Variants in CNTN6 observed in about 807,000 individuals in gnomAD.
CNTN6 encodes contactin 6.
A neutral mutation model predicts 122.8 loss-of-function variants in CNTN6; 137 were observed. The observed-to-expected ratio is 1.12, with a 90% CI of 0.97 to 1.29. The LOEUF (loss-of-function observed/expected upper bound fraction) is 1.29. Ranked by LOEUF, CNTN6 falls within the 50% of genes most tolerant of loss-of-function variation. CNTN6 has a pLI of 0.00. For missense variants in CNTN6, 1,634 were observed against 1,223.4 expected (o/e 1.34, Z -5.01); for synonymous variants, 570 against 426.0 (o/e 1.34, Z -4.16).
At chr3:1,187,873 G>C (rs995174447) in intron 2 of CNTN6, among the ~76,000 whole-genome samples, 1 of 152,072 alleles carries the variant, frequency 6.6e-6, no homozygotes, top group Non-Finnish European at 1.5e-5. Context: ...CTGTATGGTT[G>C]GTTGGGCACC....
intron 4 of CNTN6, among the ~76,000 whole-genome samples, chr3:1,233,910 A>G (rs543820155): frequency 1.5e-3 from 223 of 152,204 alleles, no homozygotes; most frequent in African/African-American, 4.9e-3. Context: ...GAATTCTTGC[A>G]CCACATCACA....
At chr3:1,246,440 T>C (rs750135812) in intron 4 of CNTN6, among the ~76,000 whole-genome samples, 9 of 152,172 alleles carry the variant, frequency 5.9e-5, no homozygotes, top group Non-Finnish European at 1.2e-4. Flanking sequence ...TATGTGGAAC[T>C]TTTACTGTTA....
intron 20 of CNTN6, among the ~76,000 whole-genome samples, chr3:1,400,009 A>G (rs1695483021): frequency 6.6e-6 from 1 of 152,138 alleles, no homozygotes; most frequent in Non-Finnish European, 1.5e-5. Flanking sequence ...AAGAGAATGT[A>G]TGGTAATATA....
chr3:1,180,482 AT>A (rs1191312440), intron 2 of CNTN6, among the ~76,000 whole-genome samples: 2 of 152,212 alleles, frequency 1.3e-5, no homozygotes, highest in Non-Finnish European at 2.9e-5. Flanking sequence ...TTACCCTAAG[AT>A]ACTAATCCTG....
At chr3:1,271,610 A>G (rs1184787089) in intron 4 of CNTN6, among the ~76,000 whole-genome samples, 1 of 152,158 alleles carries the variant, frequency 6.6e-6, no homozygotes, top group Non-Finnish European at 1.5e-5. Flanking sequence ...GGAGAGATGT[A>G]AGGGTGGAGA....
chr3:1,122,082 A>AT (rs774097899), intron 1 of CNTN6, among the ~76,000 whole-genome samples: 54 of 152,000 alleles, frequency 3.6e-4, no homozygotes, highest in South Asian at 1.2e-3. Context: ...TAAATGAATT[A>AT]TTTTTTTGCA....
At chr3:1,274,327 G>T (rs1691923713) in intron 4 of CNTN6, among the ~76,000 whole-genome samples, 1 of 152,130 alleles carries the variant, frequency 6.6e-6, no homozygotes, top group Non-Finnish European at 1.5e-5. Context: ...GGCCAAAGAA[G>T]AAAGGAAGCA....
At chr3:1,275,363 C>G (rs1194799260) in intron 4 of CNTN6, among the ~76,000 whole-genome samples, 2 of 152,196 alleles carry the variant, frequency 1.3e-5, no homozygotes, top group African/African-American at 2.4e-5. Context: ...TCCCCAAACT[C>G]TACTGAAACT....
intron 2 of CNTN6, among the ~76,000 whole-genome samples, chr3:1,214,529 C>T (rs7640879): frequency 6.6e-6 from 1 of 151,372 alleles, no homozygotes; most frequent in Admixed American, 6.6e-5. Flanking sequence ...AGGCTGGTCT[C>T]AAACTCCTAA....
At chr3:1,390,576 G>T (rs1693969414) in intron 20 of CNTN6, among the ~76,000 whole-genome samples, 1 of 152,148 alleles carries the variant, frequency 6.6e-6, no homozygotes, top group Non-Finnish European at 1.5e-5. Context: ...ACAACTGAAG[G>T]AAATAGAGAC....
chr3:1,377,647 A>G (rs1434439457), intron 17 of CNTN6, among the ~76,000 whole-genome samples: 1 of 149,818 alleles, frequency 6.7e-6, no homozygotes, highest in African/African-American at 2.4e-5. Flanking sequence ...CAACCAATTT[A>G]AAGTTTCTCA....
At chr3:1,255,897 T>A (rs2094749600) in intron 4 of CNTN6, among the ~76,000 whole-genome samples, 1 of 152,042 alleles carries the variant, frequency 6.6e-6, no homozygotes, top group African/African-American at 2.4e-5. Flanking sequence ...AGACAGAGTC[T>A]CGCTCTGTCA....
chr3:1,386,937 A>C (rs17038508), intron 20 of CNTN6, among the ~76,000 whole-genome samples: 7,884 of 152,040 alleles, frequency 0.052, 237 homozygotes, highest in African/African-American at 0.075. Context: ...GTCCAAAAGA[A>C]GTTAGTTAGG....
chr3:1,151,438 G>A (rs868330818), intron 2 of CNTN6, among the ~76,000 whole-genome samples: 9 of 150,616 alleles, frequency 6.0e-5, no homozygotes, highest in Admixed American at 1.3e-4. Flanking sequence ...AAATAGAATT[G>A]TAATAACGTT....
intron 4 of CNTN6, among the ~76,000 whole-genome samples, chr3:1,241,309 T>G (rs201376918): frequency 2.0e-5 from 3 of 151,304 alleles, no homozygotes; most frequent in Non-Finnish European, 4.4e-5. Context: ...TGAAAATTTT[T>G]GGGGGTGGTA....
chr3:1,177,208 A>C lies in CNTN6; in HGVS notation c.55+29145A>C, dbSNP rs1386591032. On this transcript the variant is annotated intron_variant, in intron 2 of 22. Coordinates refer to ENST00000446702, the MANE Select transcript of CNTN6 (RefSeq NM_001289080.2). ...AGAAGCGAGAGATTGCATAGTAAACACAATGTTGGTTTGATATTTTAAAAC... is the reference window on the plus strand; with the variant it reads ...AGAAGCGAGAGATTGCATAGTAAACCCAATGTTGGTTTGATATTTTAAAAC... Among the ~76,000 whole-genome samples, 5 of 152,320 alleles carry C rather than the reference A, an allele frequency of 3.3e-5. No individual in the cohort carries two copies. The East Asian group carries it at 7.7e-4, about 23-fold the overall frequency.
chr3:1,303,936 G>C (rs765299763), intron 7 of CNTN6, among the ~76,000 whole-genome samples: 5 of 152,138 alleles, frequency 3.3e-5, no homozygotes, highest in Admixed American at 6.6e-5. Context: ...CTCTGGCATA[G>C]TGGAGCTCTC....
intron 2 of CNTN6, among the ~76,000 whole-genome samples, chr3:1,182,458 G>A (rs1048535530): frequency 6.6e-6 from 1 of 152,098 alleles, no homozygotes. Flanking sequence ...TAATTCTACT[G>A]TAATTCAAAA....
At chr3:1,158,844 A>ATGTGTGTG (rs373284842) in intron 2 of CNTN6, among the ~76,000 whole-genome samples, 42 of 13,804 alleles carry the variant, frequency 3.0e-3, no homozygotes, top group African/African-American at 0.02. Context: ...ACACACATAT[A>ATGTGTGTG]TATACATACA....
Sources: allele counts gnomAD v4.1 joint callset (sites outside exome capture counted in the v4.1 genomes callset), GRCh38; gene constraint gnomAD v4.1.1; transcripts MANE v1.5; gene names NCBI Gene and HGNC (gene_info 2026-07-23, HGNC 2026-07-21).